Variants in TRAPPC9 observed in about 807,000 individuals in gnomAD.
TRAPPC9 encodes IKK2 binding protein.
Under a neutral mutation model 124.0 loss-of-function variants are expected in TRAPPC9, and 83 were observed. The ratio of observed to expected loss-of-function variants is 0.67; its 90% CI spans 0.56 to 0.80. TRAPPC9 has a LOEUF of 0.80. TRAPPC9 is among the 30% of genes least tolerant of loss of function. The probability of loss-of-function intolerance (pLI) is 0.00; values close to 1 mark genes in which losing one functional copy is unlikely to be tolerated. For synonymous variants in TRAPPC9, 638 were observed against 617.5 expected (o/e 1.03, Z -0.49); for missense variants, 1,302 against 1,508.3 (o/e 0.86, Z 2.27).
At chr8:139,847,295 C>T (rs982547448) in intron 21 of TRAPPC9, among the ~76,000 whole-genome samples, 3 of 152,238 alleles carry the variant, frequency 2.0e-5, no homozygotes, top group Admixed American at 6.5e-5. Context: ...CACACACCCC[C>T]GGAACTGTGA....
At chr8:140,190,158 C>A (rs935946089) in intron 17 of TRAPPC9, among the ~76,000 whole-genome samples, 1 of 152,130 alleles carries the variant, frequency 6.6e-6, no homozygotes, top group African/African-American at 2.4e-5. Context: ...GCTATAATAA[C>A]AACCACCACT....
At chr8:139,786,171 G>C (rs546548008) in intron 21 of TRAPPC9, among the ~76,000 whole-genome samples, 18 of 152,164 alleles carry the variant, frequency 1.2e-4, no homozygotes, top group Non-Finnish European at 2.5e-4. Context: ...TCGCGCCACC[G>C]CACTCCAGCC....
intron 17 of TRAPPC9, among the ~76,000 whole-genome samples, chr8:140,070,892 G>A (rs951773685): frequency 3.9e-5 from 6 of 152,126 alleles, no homozygotes; most frequent in Admixed American, 6.5e-5. Flanking sequence ...ACAGCCCTGG[G>A]TGCCAGGCCC....
In TRAPPC9 at chr8:140,360,165, C is replaced by A. The variant is rs780580771; in HGVS notation, c.1380G>T (p.Gln460His). 8.7e-6 allele frequency: 14 copies of A among 1,614,214 alleles called. No homozygotes were observed. Among genetic ancestry groups the A allele is most frequent in the Non-Finnish European group, 5.9e-6 (7 of 1,180,042 alleles). The change falls in exon 9 of 23, where the codon CAG (glutamine) becomes CAT (histidine). Residue 460 changes from glutamine (Q) to histidine (H), a missense_variant. Gln to His is a conservative substitution (Grantham distance 24). Coordinates refer to ENST00000438773, the MANE Select transcript of TRAPPC9 (RefSeq NM_001160372.4). ...AGACCAATTCATGGAGCAAACGCAT[C>A]TGGACCGCAGCCCAGCCTCTGTGCG... Reference protein sequence around the residue: ...RGTHRGWAAVQMRLLHELVYA... With the variant: ...RGTHRGWAAVHMRLLHELVYA...
intron 20 of TRAPPC9, among the ~76,000 whole-genome samples, chr8:139,905,788 T>A (rs1262009215): frequency 6.6e-6 from 1 of 152,084 alleles, no homozygotes; most frequent in Non-Finnish European, 1.5e-5. Context: ...TAAGAAAAGA[T>A]TTCCTAAAGA....
At chr8:140,050,012 C>G (rs1841882921) in intron 17 of TRAPPC9, among the ~76,000 whole-genome samples, 1 of 152,206 alleles carries the variant, frequency 6.6e-6, no homozygotes, top group African/African-American at 2.4e-5. Context: ...AGGCAGGCCA[C>G]TGGGGTGTGT....
chr8:139,941,036 G>A (rs768709620), intron 19 of TRAPPC9, among the ~76,000 whole-genome samples: 3 of 152,222 alleles, frequency 2.0e-5, no homozygotes, highest in Non-Finnish European at 4.4e-5. Flanking sequence ...TACCTGGGGT[G>A]GACCCACATG....
intron 15 of TRAPPC9, among the ~76,000 whole-genome samples, chr8:140,271,909 G>A (rs1315426318): frequency 6.6e-6 from 1 of 152,146 alleles, no homozygotes; most frequent in Non-Finnish European, 1.5e-5. Context: ...TAGTGGCAGT[G>A]GTGGTGGTGG....
At chr8:139,958,601 G>A (rs1235430020) in intron 19 of TRAPPC9, among the ~76,000 whole-genome samples, 4 of 152,154 alleles carry the variant, frequency 2.6e-5, no homozygotes, top group Non-Finnish European at 5.9e-5. Context: ...AGAGACCCAC[G>A]CTCTTCTGCA....
chr8:139,732,509 C>T (rs960550291), intron 21 of TRAPPC9, among the ~76,000 whole-genome samples: 7 of 152,206 alleles, frequency 4.6e-5, no homozygotes, highest in African/African-American at 1.7e-4. Flanking sequence ...TCTAGTGAGT[C>T]AGGGACTCCT....
rs979900599 is a variant in TRAPPC9 at position 139,929,436 on chromosome 8, A to G, written c.2811-19136T>C. On this transcript the variant is annotated intron_variant, in intron 19 of 22. Transcript: ENST00000438773. Reference sequence around the variant, plus strand: ...ACACAGCAGTGGTCCCAGGCTTACAATAAAAAAAAAGGGAGGGGGCCGAGC... The same window carrying G: ...ACACAGCAGTGGTCCCAGGCTTACAGTAAAAAAAAAGGGAGGGGGCCGAGC... Among the ~76,000 whole-genome samples the G allele has an allele frequency of 2.6e-5, 4 of 152,168 alleles. No homozygotes were observed. The South Asian group carries it at 6.2e-4, about 24-fold the overall frequency.
intron 20 of TRAPPC9, among the ~76,000 whole-genome samples, chr8:139,896,149 CCAAA>C (rs986591054): frequency 2.0e-4 from 30 of 152,280 alleles, no homozygotes; most frequent in African/African-American, 6.0e-4. Context: ...TGTAAGCCAC[CCAAA>C]CAGTCTTGCA....
chr8:140,457,109 G>C lies in TRAPPC9; in HGVS notation c.-11+530C>G, dbSNP rs149723123. ...CCAGGAGACAGGAGGGAAAGGGCTA[G>C]GGGAGAAGTCCGGGAACTCAGGGCG... On this transcript the variant is annotated intron_variant, in intron 1 of 22. Transcript: ENST00000438773. 8.1e-3 allele frequency among the ~76,000 whole-genome samples: 1,228 copies of C among 152,362 alleles called. 6 individuals carry two copies. Among genetic ancestry groups the C allele is most frequent in the Middle Eastern group, 0.027 (8 of 294 alleles).
intron 17 of TRAPPC9, among the ~76,000 whole-genome samples, chr8:140,180,974 C>T (rs923669523): frequency 8.5e-5 from 13 of 152,130 alleles, no homozygotes; most frequent in Non-Finnish European, 1.8e-4. Flanking sequence ...AATTTAAGAC[C>T]TCATGCATGC....
At chr8:140,389,791 A>ATAATCT (rs2068870027) in intron 7 of TRAPPC9, among the ~76,000 whole-genome samples, 1 of 152,110 alleles carries the variant, frequency 6.6e-6, no homozygotes, top group African/African-American at 2.4e-5. Flanking sequence ...CTCATTGTAA[A>ATAATCT]AAAGGATCTA....
intron 9 of TRAPPC9, among the ~76,000 whole-genome samples, chr8:140,318,215 T>C (rs1284847279): frequency 6.6e-6 from 1 of 152,232 alleles, no homozygotes. Flanking sequence ...TTTACCTTTA[T>C]GTTTGAAAAT....
At chr8:140,113,992 A>G (rs1199491071) in intron 17 of TRAPPC9, among the ~76,000 whole-genome samples, 3 of 152,194 alleles carry the variant, frequency 2.0e-5, no homozygotes, top group African/African-American at 4.8e-5. Context: ...GCTGCCTCGA[A>G]GTCTCTGATC....
At position 140,387,638 on chromosome 8, in the gene TRAPPC9, T is replaced by C. The variant is rs192358113; in HGVS notation, c.1134+9982A>G. Among the ~76,000 whole-genome samples the C allele has an allele frequency of 4.6e-3, 704 of 152,324 alleles. 6 individuals are homozygous for C. Among genetic ancestry groups the C allele is most frequent in the African/African-American group, 0.016 (665 of 41,566 alleles). On this transcript the variant is annotated intron_variant, in intron 7 of 22. Transcript: ENST00000438773. The stretch of plus-strand genomic sequence containing the variant: ...CACATGAAAAAATGCTCATCATCAC[T>C]GGCCATCAGAGAAATGCAAATCAAA...
intron 6 of TRAPPC9, among the ~76,000 whole-genome samples, chr8:140,404,894 G>A (rs79761656): frequency 1.3e-5 from 1 of 78,574 alleles, no homozygotes; most frequent in Non-Finnish European, 3.4e-5. Flanking sequence ...ATGTGTGCAC[G>A]TGTGTGTGAG....
Sources: gnomAD v4.1 joint callset for allele counts (sites outside exome capture counted in the v4.1 genomes callset) on GRCh38, gnomAD v4.1.1 for gene constraint, MANE v1.5 for transcripts, NCBI Gene and HGNC (gene_info 2026-07-23, HGNC 2026-07-21) for gene names.